Variants in PPARGC1A observed in about 807,000 individuals in gnomAD.
The protein encoded by PPARGC1A is peroxisome proliferator-activated receptor gamma coactivator 1-alpha.
Under a neutral mutation model 88.7 loss-of-function variants are expected in PPARGC1A, and 25 were observed. The observed-to-expected ratio is 0.28, with a 90% CI of 0.21 to 0.39. The LOEUF (loss-of-function observed/expected upper bound fraction) is 0.39, where lower values mean the gene tolerates loss of function less well. Ranked by LOEUF, PPARGC1A falls within the 10% of genes least tolerant of loss-of-function variation. The probability of loss-of-function intolerance (pLI) is 1.00; values close to 1 mark genes in which losing one functional copy is unlikely to be tolerated. For missense variants in PPARGC1A, 880 were observed against 968.7 expected (o/e 0.91, Z 1.22); for synonymous variants, 363 against 355.6 (o/e 1.02, Z -0.24).
the PPARGC1A span, among the ~76,000 whole-genome samples, chr4:24,303,538 C>CA: frequency 6.6e-6 from 1 of 152,146 alleles, no homozygotes; most frequent in Non-Finnish European, 1.5e-5. Flanking sequence ...TCTACTGAGA[C>CA]ACAAATGGAA....
At chr4:24,376,483 A>G in the PPARGC1A span, among the ~76,000 whole-genome samples, 563 of 152,238 alleles carry the variant, frequency 3.7e-3, 3 homozygotes, top group African/African-American at 0.013. Context: ...TTTCCCAGTC[A>G]CCCGAAAAGT....
the PPARGC1A span, among the ~76,000 whole-genome samples, chr4:24,437,022 A>G: frequency 3.2e-4 from 49 of 152,346 alleles, 1 homozygote; most frequent in African/African-American, 1.1e-3. Flanking sequence ...CTTTGCCAAC[A>G]TGTGATCGTG....
At chr4:24,376,854 C>A in the PPARGC1A span, among the ~76,000 whole-genome samples, 88,354 of 151,928 alleles carry the variant, frequency 0.58, 25,842 homozygotes, top group East Asian at 0.73. Context: ...TTAAGGATAC[C>A]CCTTTCAAGG....
At chr4:24,214,876 C>T in the PPARGC1A span, among the ~76,000 whole-genome samples, 1 of 152,152 alleles carries the variant, frequency 6.6e-6, no homozygotes, top group African/African-American at 2.4e-5. Flanking sequence ...AAAAGATCTA[C>T]TTGGCAGAAA....
chr4:24,359,725 T>C, the PPARGC1A span, among the ~76,000 whole-genome samples: 2,230 of 152,204 alleles, frequency 0.015, 70 homozygotes, highest in African/African-American at 0.051. Context: ...CCAAGTGACT[T>C]TGGAAACAAA....
At chr4:23,818,076 C>A (rs765992459) in intron 7 of PPARGC1A, among the ~76,000 whole-genome samples, 2 of 152,100 alleles carry the variant, frequency 1.3e-5, no homozygotes, top group African/African-American at 2.4e-5. Flanking sequence ...GCTCATCTTC[C>A]CACTAATCTC....
chr4:23,888,063 A>G (rs1189710230), intron 1 of PPARGC1A, among the ~76,000 whole-genome samples: 2 of 152,240 alleles, frequency 1.3e-5, no homozygotes, highest in Admixed American at 1.3e-4. Context: ...TTAGGATGAC[A>G]GCAAACATTA....
intron 11 of PPARGC1A, 53 bp from the exon 12 acceptor site, chr4:23,801,934 G>A (rs1214999049): frequency 6.3e-7 from 1 of 1,597,300 alleles, no homozygotes; most frequent in African/African-American, 1.3e-5. Context: ...TAGTATATGG[G>A]ACTGTAACCC....
At chr4:24,273,055 C>A in the PPARGC1A span, among the ~76,000 whole-genome samples, 1 of 152,206 alleles carries the variant, frequency 6.6e-6, no homozygotes, top group Non-Finnish European at 1.5e-5. Flanking sequence ...GGTTCTTAAT[C>A]GAACATTCAT....
intron 2 of PPARGC1A, among the ~76,000 whole-genome samples, chr4:23,857,784 A>G (rs1271450744): frequency 2.6e-5 from 4 of 151,762 alleles, no homozygotes; most frequent in Non-Finnish European, 5.9e-5. Flanking sequence ...AGAATAGGGA[A>G]AACCTATTGA....
the PPARGC1A span, among the ~76,000 whole-genome samples, chr4:24,245,777 C>T: frequency 1.4e-4 from 21 of 152,292 alleles, no homozygotes; most frequent in Admixed American, 9.8e-4. Context: ...AAAATATCTC[C>T]TCTTTGCCTC....
chr4:23,966,308 A>G, the PPARGC1A span, among the ~76,000 whole-genome samples: 1 of 152,190 alleles, frequency 6.6e-6, no homozygotes, highest in African/African-American at 2.4e-5. Flanking sequence ...TTCTGTATCA[A>G]TGCTGCCCAG....
chr4:24,296,532 G>A, the PPARGC1A span, among the ~76,000 whole-genome samples: 1 of 152,082 alleles, frequency 6.6e-6, no homozygotes, highest in Admixed American at 6.6e-5. Flanking sequence ...TTTGGCTGAG[G>A]ATTTGCCTGA....
chr4:23,828,532 C>G lies in PPARGC1A; in HGVS notation c.625G>C (p.Glu209Gln). Residue 209 changes from glutamate (E) to glutamine (Q), a missense_variant, in exon 5 of 13, where the codon GAG (glutamate) becomes CAG (glutamine). Coordinates refer to ENST00000264867, the MANE Select transcript of PPARGC1A (RefSeq NM_013261.5). The part of the protein sequence containing the change: ...QQKPQRRPCS[E>Q]LLKYLTTNDD... ...TTTGTGGTCAGATATTTGAGAAGCT[C>G]CGAGCAGGGACGTCTTTGTGGCTTT... 6.2e-7 allele frequency: 1 copy of G among 1,614,074 alleles called. No individual in the cohort carries two copies. Among genetic ancestry groups the G allele is most frequent in the Non-Finnish European group, 8.5e-7 (1 of 1,179,992 alleles).
chr4:23,919,223 T>C, the PPARGC1A span, among the ~76,000 whole-genome samples: 5 of 152,212 alleles, frequency 3.3e-5, no homozygotes, highest in Non-Finnish European at 5.9e-5. Context: ...GCTCAACAGA[T>C]ACATTTAGGA....
chr4:23,872,467 G>GT (rs1713599954), intron 2 of PPARGC1A, among the ~76,000 whole-genome samples: 1 of 152,134 alleles, frequency 6.6e-6, no homozygotes, highest in Non-Finnish European at 1.5e-5. Context: ...ACAGATCTTG[G>GT]TTTGGAATAG....
At chr4:23,898,379 G>C (rs975617161) in intron 1 of PPARGC1A, among the ~76,000 whole-genome samples, 1 of 152,174 alleles carries the variant, frequency 6.6e-6, no homozygotes, top group East Asian at 1.9e-4. Context: ...AGACCAACCA[G>C]CTTGGAGGTT....
the PPARGC1A span, among the ~76,000 whole-genome samples, chr4:24,314,221 T>C: frequency 3.3e-5 from 5 of 152,220 alleles, no homozygotes; most frequent in South Asian, 8.3e-4. Context: ...TTTCACTTTA[T>C]CTTTGAAGTC....
chr4:23,849,946 A>G (rs1728992643), intron 2 of PPARGC1A, among the ~76,000 whole-genome samples: 2 of 152,130 alleles, frequency 1.3e-5, no homozygotes, highest in African/African-American at 4.8e-5. Context: ...ATGTCGTATA[A>G]TTATTTAAAT....
Sources: allele counts gnomAD v4.1 joint callset (sites outside exome capture counted in the v4.1 genomes callset), GRCh38; gene constraint gnomAD v4.1.1; transcripts MANE v1.5; gene names NCBI Gene and HGNC (gene_info 2026-07-23, HGNC 2026-07-21).